The following KSR1 variants were observed in gnomAD, a reference collection of about 807,000 sequenced individuals.
KSR1 encodes kinase suppressor of ras.
In KSR1, 35 loss-of-function variants were observed where a neutral mutation model predicts 92.9. The observed-to-expected ratio is 0.38, with a 90% CI of 0.29 to 0.50. The LOEUF is 0.50. Ranked by LOEUF, KSR1 falls within the 20% of genes least tolerant of loss-of-function variation. KSR1 has a pLI of 0.94. For missense variants in KSR1, 972 were observed against 1,158.5 expected (o/e 0.84, Z 2.34); for synonymous variants, 467 against 472.6 (o/e 0.99, Z 0.15).
chr17:27,569,275 T>C (rs1179707036), intron 2 of KSR1, among the ~76,000 whole-genome samples: 1 of 152,220 alleles, frequency 6.6e-6, no homozygotes, highest in African/African-American at 2.4e-5. Flanking sequence ...TGCCCAAAGC[T>C]GGAGTAGCTG....
At chr17:27,515,722 T>G (rs1229117530) in intron 1 of KSR1, among the ~76,000 whole-genome samples, 4 of 151,946 alleles carry the variant, frequency 2.6e-5, no homozygotes, top group African/African-American at 9.7e-5. Context: ...ATGTTCTGCT[T>G]TACTATAATC....
intron 2 of KSR1, among the ~76,000 whole-genome samples, chr17:27,557,584 A>G (rs1025486446): frequency 5.3e-5 from 8 of 152,144 alleles, no homozygotes; most frequent in Admixed American, 4.6e-4. Flanking sequence ...TGCCTTTTAC[A>G]CAATGTGAGA....
intron 1 of KSR1, among the ~76,000 whole-genome samples, chr17:27,529,649 T>C (rs568511748): frequency 1.3e-3 from 195 of 152,372 alleles, no homozygotes; most frequent in African/African-American, 4.4e-3. Flanking sequence ...AGGTTTGTTA[T>C]GGTTGCCGGC....
chr17:27,551,217 A>G (rs1479058737), intron 2 of KSR1, among the ~76,000 whole-genome samples: 2 of 152,214 alleles, frequency 1.3e-5, no homozygotes, highest in African/African-American at 4.8e-5. Flanking sequence ...GACTGCTACA[A>G]TATGCTGTCT....
chr17:27,525,151 G>GC (rs753020447), intron 1 of KSR1, among the ~76,000 whole-genome samples: 14 of 152,228 alleles, frequency 9.2e-5, no homozygotes, highest in Non-Finnish European at 1.9e-4. Flanking sequence ...TTACTTGGTA[G>GC]CAGACCTGGG....
At chr17:27,541,245 A>C (rs892554419) in intron 1 of KSR1, among the ~76,000 whole-genome samples, 25 of 152,236 alleles carry the variant, frequency 1.6e-4, no homozygotes, top group African/African-American at 5.8e-4. Context: ...CACCTGCCAC[A>C]GGAGGACTAA....
intron 19 of KSR1, among the ~76,000 whole-genome samples, chr17:27,619,326 T>C (rs1466391330): frequency 2.0e-5 from 3 of 152,116 alleles, no homozygotes; most frequent in Admixed American, 6.5e-5. Context: ...TTTTTAACCC[T>C]TTAAAGTAGT....
intron 4 of KSR1, 104 bp from the exon 5 acceptor site, chr17:27,585,538 CAGGCCTCAGAGTCCT>C (rs2072932969): frequency 1.4e-6 from 1 of 712,822 alleles, no homozygotes; most frequent in Non-Finnish European, 2.6e-6. Context: ...GGCCTCAAGC[CAGGCCTCAGAGTCCT>C]ACGTCCCAGC....
At chr17:27,560,573 C>T (rs1474931257) in intron 2 of KSR1, 1 of 493,760 alleles carries the variant, frequency 2.0e-6, no homozygotes, top group Admixed American at 2.0e-5. Context: ...ACAAAGCTGC[C>T]TTACTCCTGC....
Position 27,603,888 on chromosome 17 carries a change from G to A in KSR1, c.1565G>A (p.Arg522Gln). ...APLPEAADGT[R>Q]LDDQPKADVL... ...CTCCCTGAAGCTGCCGACGGTACCC[G>A]GTAGGCATCCCTAGGTGGTGTCCCC... is the stretch of plus-strand genomic sequence containing the variant. The change falls in exon 12 of 21, where the codon CGG becomes CAG. Residue 522 changes from arginine to glutamine, a missense_variant and splice_region_variant. Arg to Gln is a conservative substitution (Grantham distance 43). Coordinates refer to ENST00000644974, the MANE Select transcript of KSR1 (RefSeq NM_001394583.1). The A allele has an allele frequency of 6.2e-7, 1 of 1,613,132 alleles. No individual in the cohort carries two copies. Among genetic ancestry groups the A allele is most frequent in the Non-Finnish European group, 8.5e-7 (1 of 1,179,476 alleles).
intron 18 of KSR1, among the ~76,000 whole-genome samples, 181 bp downstream of exon 18, chr17:27,611,810 G>A (rs1567889892): frequency 6.6e-6 from 1 of 151,798 alleles, no homozygotes; most frequent in African/African-American, 2.4e-5. Flanking sequence ...GAACAGGGAG[G>A]CATAAATAAG....
At chr17:27,563,511 C>A (rs1463387755) in intron 2 of KSR1, among the ~76,000 whole-genome samples, 1 of 152,220 alleles carries the variant, frequency 6.6e-6, no homozygotes, top group Non-Finnish European at 1.5e-5. Context: ...TCCCACTTGG[C>A]CTCCCAAAGT....
chr17:27,598,850 C>T (rs2073441037), intron 10 of KSR1, among the ~76,000 whole-genome samples: 1 of 152,146 alleles, frequency 6.6e-6, no homozygotes, highest in Non-Finnish European at 1.5e-5. Flanking sequence ...ACCAATGGGT[C>T]AACCCTCCCC....
At chr17:27,540,422 T>TC (rs2070915553) in intron 1 of KSR1, among the ~76,000 whole-genome samples, 1 of 152,228 alleles carries the variant, frequency 6.6e-6, no homozygotes, top group Non-Finnish European at 1.5e-5. Context: ...TCCTTGGGAA[T>TC]ATCTCCACTT....
In KSR1 at chr17:27,597,403, C is replaced by T. The variant is rs760722438; in HGVS notation, c.1435C>T (p.Pro479Ser). The change falls in exon 10 of 21, where the codon CCT (proline) becomes TCT (serine). Residue 479 changes from proline to serine, a missense_variant. Physicochemically the swap from Pro to Ser is moderately conservative, Grantham distance 74. This residue lies in a region of KSR1 where 611 missense variants were observed against 668.0 expected (regional missense o/e 0.91). Coordinates refer to ENST00000644974, the MANE Select transcript of KSR1 (RefSeq NM_001394583.1). ...CGCCACCACGCCCCCCAACCCCTCACCTGGCCAGCGGGACAGCAGGTTCAA... is the reference window on the plus strand; with the variant it reads ...CGCCACCACGCCCCCCAACCCCTCATCTGGCCAGCGGGACAGCAGGTTCAA... ...SSATTPPNPS[P>S]GQRDSRFNFP... The T allele has an allele frequency of 1.2e-6, 2 of 1,612,138 alleles. No individual in the cohort carries two copies. Among genetic ancestry groups the T allele is most frequent in the Admixed American group, 3.3e-5 (2 of 59,930 alleles).
chr17:27,520,667 C>T (rs1597934673), intron 1 of KSR1, among the ~76,000 whole-genome samples: 1 of 152,372 alleles, frequency 6.6e-6, no homozygotes, highest in Admixed American at 6.5e-5. Context: ...CGGACGAGGC[C>T]TCTCAGGGGC....
intron 1 of KSR1, among the ~76,000 whole-genome samples, chr17:27,480,868 C>G (rs1051996087): frequency 6.6e-6 from 1 of 152,200 alleles, no homozygotes; most frequent in Non-Finnish European, 1.5e-5. Flanking sequence ...ACCAGTGGAT[C>G]TGGGCTCGAT....
chr17:27,597,501 CA>C, intron 10 of KSR1, 65 bp downstream of exon 10: 1 of 1,489,758 alleles, frequency 6.7e-7, no homozygotes, highest in Non-Finnish European at 9.0e-7. Flanking sequence ...TCAGCAGACC[CA>C]AGTTCGGCAG....
intron 1 of KSR1, among the ~76,000 whole-genome samples, chr17:27,513,672 G>A (rs2069683927): frequency 6.6e-6 from 1 of 152,228 alleles, no homozygotes; most frequent in South Asian, 2.1e-4. Context: ...TTGTCTCTGA[G>A]CTTCTCTTGG....
Sources: gnomAD v4.1 joint callset for allele counts (sites outside exome capture counted in the v4.1 genomes callset) on GRCh38, gnomAD v4.1.1 for gene constraint, gnomAD v4.1.1 regional missense constraint, MANE v1.5 for transcripts, NCBI Gene and HGNC (gene_info 2026-07-23, HGNC 2026-07-21) for gene names.